Variants in CHRM3 observed in about 807,000 individuals in gnomAD.
CHRM3 encodes cholinergic receptor muscarinic 3.
CHRM3 carries 11 observed loss-of-function variants against 41.8 expected under a neutral mutation model. That is an observed-to-expected ratio of 0.26 (90% CI 0.17 to 0.44). CHRM3 has a LOEUF of 0.44. CHRM3 is among the 20% of genes least tolerant of loss of function. CHRM3 has a pLI of 1.00. For synonymous variants in CHRM3, 297 were observed against 301.4 expected (o/e 0.99, Z 0.15); for missense variants, 571 against 745.4 (o/e 0.77, Z 2.72).
intron 6 of CHRM3, among the ~76,000 whole-genome samples, chr1:239,864,318 C>T (rs879307257): frequency 1.3e-5 from 2 of 152,086 alleles, no homozygotes; most frequent in Non-Finnish European, 2.9e-5. Context: ...ACCAGCCCAA[C>T]CAACATGGAG....
intron 2 of CHRM3, among the ~76,000 whole-genome samples, chr1:239,510,538 A>ATT (rs1295995183): frequency 7.0e-5 from 10 of 142,848 alleles, no homozygotes; most frequent in Non-Finnish European, 1.1e-4. Flanking sequence ...AACCCCTCAG[A>ATT]TTTTTTTTTT....
At chr1:239,644,110 A>T (rs570200685) in intron 4 of CHRM3, among the ~76,000 whole-genome samples, 116 of 152,266 alleles carry the variant, frequency 7.6e-4, no homozygotes, top group African/African-American at 2.7e-3. Flanking sequence ...TGATTTTGGA[A>T]CCCATCCTAA....
Position 239,713,588 on chromosome 1 carries a change from T to C in CHRM3, c.-147+35300T>C, listed in dbSNP as rs145324451. 9.1e-3 allele frequency among the ~76,000 whole-genome samples: 1,390 copies of C among 152,294 alleles called. 18 individuals are homozygous for C. Among genetic ancestry groups the C allele is most frequent in the African/African-American group, 0.032 (1,310 of 41,568 alleles). ...AATTTGCACAAACACCAACATCACA[T>C]TGATGAGAAGCATCCCTCTATGTTG... On this transcript the variant is annotated intron_variant, in intron 5 of 6. Transcript: ENST00000676153.
chr1:239,496,936 T>C (rs1572503530), intron 2 of CHRM3, among the ~76,000 whole-genome samples: 1 of 152,212 alleles, frequency 6.6e-6, no homozygotes, highest in African/African-American at 2.4e-5. Flanking sequence ...CTTATGCTTA[T>C]AGTAAGAAGT....
intron 1 of CHRM3, among the ~76,000 whole-genome samples, chr1:239,456,811 G>T (rs1264732441): frequency 6.6e-6 from 1 of 152,164 alleles, no homozygotes; most frequent in Non-Finnish European, 1.5e-5. Context: ...TCAGGCAATT[G>T]CCCTTCCCCA....
intron 2 of CHRM3, among the ~76,000 whole-genome samples, chr1:239,540,420 ATTCCC>A (rs1172158545): frequency 6.6e-6 from 1 of 152,200 alleles, no homozygotes; most frequent in Non-Finnish European, 1.5e-5. Flanking sequence ...CTCTGTTTCC[ATTCCC>A]AATAGTAAAA....
intron 4 of CHRM3, among the ~76,000 whole-genome samples, chr1:239,669,387 G>T (rs1353003962): frequency 6.6e-6 from 1 of 152,022 alleles, no homozygotes; most frequent in African/African-American, 2.4e-5. Flanking sequence ...ACACGTTGTT[G>T]TTTTATTTTT....
chr1:239,679,713 G>A (rs374462910), intron 5 of CHRM3, among the ~76,000 whole-genome samples: 48 of 152,074 alleles, frequency 3.2e-4, no homozygotes, highest in African/African-American at 9.9e-4. Flanking sequence ...ACCTTAGTTC[G>A]TTTATTTTAT....
chr1:239,550,083 G>A (rs896466738), intron 3 of CHRM3, among the ~76,000 whole-genome samples: 2 of 151,972 alleles, frequency 1.3e-5, no homozygotes, highest in African/African-American at 4.8e-5. Context: ...TCTCTCACAT[G>A]TTGGCTGCCA....
chr1:239,715,777 G>C (rs1423178705), intron 5 of CHRM3, among the ~76,000 whole-genome samples: 1 of 152,150 alleles, frequency 6.6e-6, no homozygotes, highest in East Asian at 1.9e-4. Context: ...AGGACATTGA[G>C]TTAATTCTCA....
intron 5 of CHRM3, among the ~76,000 whole-genome samples, chr1:239,771,086 T>C (rs1010117703): frequency 2.8e-5 from 4 of 145,156 alleles, no homozygotes; most frequent in African/African-American, 1.1e-4. Context: ...AGACTCCATC[T>C]CAAAAAAAAA....
At chr1:239,734,158 A>G (rs1219293604) in intron 5 of CHRM3, among the ~76,000 whole-genome samples, 1 of 152,088 alleles carries the variant, frequency 6.6e-6, no homozygotes, top group African/African-American at 2.4e-5. Context: ...AAGCATTCAC[A>G]TGTAGCTTTT....
At chr1:239,673,423 C>G (rs1657616039) in intron 4 of CHRM3, among the ~76,000 whole-genome samples, 1 of 152,138 alleles carries the variant, frequency 6.6e-6, no homozygotes, top group African/African-American at 2.4e-5. Context: ...CTAAGTGTCT[C>G]TCCTTCACCC....
intron 5 of CHRM3, among the ~76,000 whole-genome samples, chr1:239,756,684 A>C (rs73122566): frequency 1.3e-5 from 2 of 152,146 alleles, no homozygotes; most frequent in Non-Finnish European, 2.9e-5. Context: ...GTAATGGCTG[A>C]CCTGTTTTCT....
intron 6 of CHRM3, among the ~76,000 whole-genome samples, chr1:239,866,904 G>A (rs908775508): frequency 6.6e-6 from 1 of 152,156 alleles, no homozygotes; most frequent in African/African-American, 2.4e-5. Flanking sequence ...TGATAAAATA[G>A]ATACCACGAT....
At chr1:239,579,442 G>A (rs1194802652) in intron 3 of CHRM3, among the ~76,000 whole-genome samples, 1 of 152,092 alleles carries the variant, frequency 6.6e-6, no homozygotes, top group Non-Finnish European at 1.5e-5. Context: ...CAGAATTATA[G>A]GAACTCTTGT....
At chr1:239,564,984 TC>T (rs1260930296) in intron 3 of CHRM3, among the ~76,000 whole-genome samples, 1 of 152,128 alleles carries the variant, frequency 6.6e-6, no homozygotes, top group Non-Finnish European at 1.5e-5. Context: ...CAGGGGAGAA[TC>T]CTTTCCTTGC....
chr1:239,537,789 AT>A (rs1658350947), intron 2 of CHRM3, among the ~76,000 whole-genome samples: 1 of 152,216 alleles, frequency 6.6e-6, no homozygotes, highest in African/African-American at 2.4e-5. Context: ...GAGTTCTGCA[AT>A]TTATAGTTTC....
intron 1 of CHRM3, among the ~76,000 whole-genome samples, chr1:239,491,262 A>G (rs1667534592): frequency 1.3e-5 from 2 of 152,222 alleles, no homozygotes; most frequent in Non-Finnish European, 2.9e-5. Flanking sequence ...TAGTCATCCT[A>G]TAGTGCTGTA....
Sources: gnomAD v4.1 joint callset for allele counts (sites outside exome capture counted in the v4.1 genomes callset) on GRCh38, gnomAD v4.1.1 for gene constraint, MANE v1.5 for transcripts, NCBI Gene and HGNC (gene_info 2026-07-23, HGNC 2026-07-21) for gene names.